Variants in DBNL observed in about 807,000 individuals in gnomAD.
DBNL encodes drebrin-like protein.
Under a neutral mutation model 62.2 loss-of-function variants are expected in DBNL, and 35 were observed. The observed-to-expected ratio is 0.56, with a 90% CI of 0.43 to 0.75. DBNL has a LOEUF of 0.75. Among genes scored for constraint, DBNL ranks in the 30% least tolerant of loss-of-function variants. The probability of loss-of-function intolerance (pLI) is 0.00; values close to 1 mark genes in which losing one functional copy is unlikely to be tolerated. For synonymous variants in DBNL, 197 were observed against 218.0 expected (o/e 0.90, Z 0.85); for missense variants, 495 against 578.4 (o/e 0.86, Z 1.48).
chr7:44,069,078 GAC>G lies in DBNL; in HGVS notation c.*8164_*8165del, dbSNP rs1562662889. 73 of 71,514 alleles carry G rather than the reference GAC, an allele frequency of 1.0e-3. No individual in the cohort carries two copies. Among genetic ancestry groups the G allele is most frequent in the African/African-American group, 2.8e-3 (54 of 19,064 alleles). 4.4% of individuals were successfully genotyped at this position (71,514 alleles called of 1,614,324 possible). ...TACTGGAATAAAAGAATGAAATAAA[GAC>G]ATTCTCAAATGAAGGCAAGCTGAGG... On this transcript the variant is annotated 3_prime_UTR_variant, in exon 13 of 13. Transcript: ENST00000448521.
In DBNL at chr7:44,060,282, G is replaced by A. The variant is rs2096146200; in HGVS notation, c.1153+129G>A. ...GAGAAGACAGGAGGGTGGGCGGTGCGTTTAGGGGTAGAAGCACCTCTGGAG... is the reference window on the plus strand; with the variant it reads ...GAGAAGACAGGAGGGTGGGCGGTGCATTTAGGGGTAGAAGCACCTCTGGAG... On this transcript the variant is annotated intron_variant, in intron 12 of 12. Coordinates refer to ENST00000448521, the MANE Select transcript of DBNL (RefSeq NM_001014436.3). The surrounding 1 kb of genome is among the most constrained non-coding windows in gnomAD (Gnocchi z 6.3). 1.3e-5 allele frequency: 11 copies of A among 817,448 alleles called. No homozygotes were observed. Among genetic ancestry groups the A allele is most frequent in the East Asian group, 2.7e-5 (1 of 36,972 alleles). The allele number at this position is 817,448 out of a possible 1,614,324, so 50.6% of individuals were successfully genotyped here.
chr7:44,064,797 A>ACCCAGCCCCAGCACCAGTATGTTGG lies in DBNL; in HGVS notation c.*3885_*3886insGCCCCAGCACCAGTATGTTGGCCCA. On this transcript the variant is annotated 3_prime_UTR_variant, in exon 13 of 13. Coordinates refer to ENST00000448521, the MANE Select transcript of DBNL (RefSeq NM_001014436.3). ...GAGAAGCCAGCTGGGGCTGCTGCCC[A>ACCCAGCCCCAGCACCAGTATGTTGG]CCCACCCTGCCCAGGCTCCTGAAGG... 1 of 633,308 alleles carries ACCCAGCCCCAGCACCAGTATGTTGG rather than the reference A, an allele frequency of 1.6e-6. No homozygotes were observed. The highest frequency in any genetic ancestry group is 2.8e-6 in the Non-Finnish European group (1 of 361,386). 39.2% of individuals were successfully genotyped at this position (633,308 alleles called of 1,614,324 possible).
chr7:44,065,942 C>A lies in DBNL; in HGVS notation c.*5026C>A. 3.1e-6 allele frequency: 1 copy of A among 322,582 alleles called. No individual in the cohort carries two copies. Among genetic ancestry groups the A allele is most frequent in the South Asian group, 3.0e-5 (1 of 33,654 alleles). The allele number at this position is 322,582 out of a possible 1,614,324, so 20.0% of individuals were successfully genotyped here. ...CAGCCATTCTCTGCTCAGACAGAGG[C>A]ACAAACAAAATCCCAACCCCTTTCT... is the stretch of plus-strand genomic sequence containing the variant. On this transcript the variant is annotated 3_prime_UTR_variant, in exon 13 of 13. Transcript: ENST00000448521.
rs1463114457 is a variant in DBNL at position 44,059,029 on chromosome 7, G to A, written c.835+46G>A. On this transcript the variant is annotated intron_variant, in intron 9 of 12. Coordinates refer to ENST00000448521, the MANE Select transcript of DBNL (RefSeq NM_001014436.3). This position sits in a 1 kb window ranked among gnomAD's most constrained non-coding sequence, Gnocchi z 4.1. Reference sequence around the variant, plus strand: ...TGGCCATGAGGCAGCAGCAGGCTGAGGGGGAGCCTGGGGTCCTATGTGGGC... The same window carrying A: ...TGGCCATGAGGCAGCAGCAGGCTGAAGGGGAGCCTGGGGTCCTATGTGGGC... 3 of 1,595,626 alleles carry A rather than the reference G, an allele frequency of 1.9e-6. No individual in the cohort carries two copies. Among genetic ancestry groups the A allele is most frequent in the African/African-American group, 1.3e-5 (1 of 74,518 alleles).
Position 44,065,560 on chromosome 7 carries a change from A to AC in DBNL, c.*4645dup, listed in dbSNP as rs554686318. The AC allele has an allele frequency of 1.3e-4, 204 of 1,607,856 alleles. No individual in the cohort carries two copies. The East Asian group carries it at 4.2e-3, about 33-fold the overall frequency. On this transcript the variant is annotated 3_prime_UTR_variant, in exon 13 of 13. Transcript: ENST00000448521. ...CAGCAGGGACCACAGAGGACTCTGG[A>AC]CGGGGACGGCTGCTTCCCAACACTC...
chr7:44,053,302 C>A (rs965262242), intron 4 of DBNL, among the ~76,000 whole-genome samples: 1 of 152,224 alleles, frequency 6.6e-6, no homozygotes, highest in African/African-American at 2.4e-5. Context: ...TGCCCACCAT[C>A]TTAGCACGCA....
In DBNL at chr7:44,057,314, C is replaced by T. The variant is rs1036181168; in HGVS notation, c.474+411C>T. On this transcript the variant is annotated intron_variant, in intron 5 of 12. Coordinates refer to ENST00000448521, the MANE Select transcript of DBNL (RefSeq NM_001014436.3). ...AGGCCCCTTGGAGTCACGGGAGATACCTGTGGGCCTGTGGCCCCAGTGCTG... is the reference window on the plus strand; with the variant it reads ...AGGCCCCTTGGAGTCACGGGAGATATCTGTGGGCCTGTGGCCCCAGTGCTG... 2.6e-5 allele frequency among the ~76,000 whole-genome samples: 4 copies of T among 152,340 alleles called. No homozygotes were observed. The South Asian group carries it at 8.3e-4, about 32-fold the overall frequency.
Position 44,058,413 on chromosome 7 carries a change from A to C in DBNL, c.705-19A>C. The C allele has an allele frequency of 6.2e-7, 1 of 1,614,144 alleles. No individual in the cohort carries two copies. The highest frequency in any genetic ancestry group is 8.5e-7 in the Non-Finnish European group (1 of 1,180,016). On this transcript the variant is annotated intron_variant, in intron 7 of 12. Transcript: ENST00000448521. ...TGTGACTGTGCCTCAGCTGTGCCCC[A>C]CCCGGCCCTTCCCAGCAGGACGTGG...
At position 44,059,899 on chromosome 7, in the gene DBNL, G is replaced by A; in HGVS notation, c.1048-149G>A. Reference sequence around the variant, plus strand: ...ACTGTCCTGTGGCTTCTGTACTCTGGTAGGGCGGGGACAGCAGCAGCCCAG... The same window carrying A: ...ACTGTCCTGTGGCTTCTGTACTCTGATAGGGCGGGGACAGCAGCAGCCCAG... On this transcript the variant is annotated intron_variant, in intron 11 of 12. Coordinates refer to ENST00000448521, the MANE Select transcript of DBNL (RefSeq NM_001014436.3). The surrounding 1 kb of genome is among the most constrained non-coding windows in gnomAD (Gnocchi z 4.1). 1.2e-6 allele frequency: 1 copy of A among 831,014 alleles called. No homozygotes were observed. The highest frequency in any genetic ancestry group is 1.7e-5 in the South Asian group (1 of 59,862). 51.5% of individuals were successfully genotyped at this position (831,014 alleles called of 1,614,324 possible). A position where few individuals can be genotyped will look rare whatever the true frequency, so the allele number is the denominator to read the frequency against.
At position 44,065,330 on chromosome 7, in the gene DBNL, A is replaced by G; in HGVS notation, c.*4414A>G. On this transcript the variant is annotated 3_prime_UTR_variant, in exon 13 of 13. Coordinates refer to ENST00000448521, the MANE Select transcript of DBNL (RefSeq NM_001014436.3). ...GTCCGTGCCGTCCAGGATGGCCCAG[A>G]GGGTGCGGATGGCCCGCTTCAGCAC... The G allele has an allele frequency of 6.2e-7, 1 of 1,613,764 alleles. No homozygotes were observed. The highest frequency in any genetic ancestry group is 8.5e-7 in the Non-Finnish European group (1 of 1,180,034).
chr7:44,053,219 C>T (rs990578779), intron 4 of DBNL, among the ~76,000 whole-genome samples: 1 of 152,044 alleles, frequency 6.6e-6, no homozygotes, highest in Non-Finnish European at 1.5e-5. Flanking sequence ...AAGGGTGGGC[C>T]CTGGTTCTGT....
Position 44,062,343 on chromosome 7 carries a change from G to A in DBNL, c.*1427G>A, listed in dbSNP as rs2096150800. ...GGCAGGGCTCAAAGTGCCACCCGGGGGTTGCAAGGACAGCAGAGGACCACC... is the reference window on the plus strand; with the variant it reads ...GGCAGGGCTCAAAGTGCCACCCGGGAGTTGCAAGGACAGCAGAGGACCACC... On this transcript the variant is annotated 3_prime_UTR_variant, in exon 13 of 13. Transcript: ENST00000448521. 4.3e-6 allele frequency: 1 copy of A among 231,782 alleles called. No homozygotes were observed. The highest frequency in any genetic ancestry group is 8.8e-6 in the Non-Finnish European group (1 of 114,238). The allele number at this position is 231,782 out of a possible 1,614,324, so 14.4% of individuals were successfully genotyped here. A position where few individuals can be genotyped will look rare whatever the true frequency, so the allele number is the denominator to read the frequency against.
chr7:44,048,516 A>G (rs1364312571), intron 1 of DBNL, among the ~76,000 whole-genome samples: 1 of 151,984 alleles, frequency 6.6e-6, no homozygotes, highest in African/African-American at 2.4e-5. Flanking sequence ...TCTCCTCCCT[A>G]CCAACCAGAT....
chr7:44,061,240 G>A lies in DBNL; in HGVS notation c.*324G>A, dbSNP rs755762903. 2.2e-5 allele frequency: 7 copies of A among 319,098 alleles called. No individual in the cohort carries two copies. The highest frequency in any genetic ancestry group is 4.1e-5 in the Non-Finnish European group (7 of 171,266). The allele number at this position is 319,098 out of a possible 1,614,324, so 19.8% of individuals were successfully genotyped here. ...GCTGCGGGGAAGGGTCCTGAGCAGG[G>A]GCATCTGGGAGGCTCTGGCTGCCTT... On this transcript the variant is annotated 3_prime_UTR_variant, in exon 13 of 13. Coordinates refer to ENST00000448521, the MANE Select transcript of DBNL (RefSeq NM_001014436.3).
intron 4 of DBNL, among the ~76,000 whole-genome samples, chr7:44,053,802 G>C (rs1042838100): frequency 6.6e-6 from 1 of 151,688 alleles, no homozygotes; most frequent in Non-Finnish European, 1.5e-5. Context: ...TCAGCCTCCC[G>C]ATTAGCTGGG....
chr7:44,069,286 G>A lies in DBNL; in HGVS notation c.*8370G>A, dbSNP rs1443802478. 1 of 152,204 alleles carries A rather than the reference G, an allele frequency of 6.6e-6. No homozygotes were observed. The highest frequency in any genetic ancestry group is 6.5e-5 in the Admixed American group (1 of 15,284). 9.4% of individuals were successfully genotyped at this position (152,204 alleles called of 1,614,324 possible). A position where few individuals can be genotyped will look rare whatever the true frequency, so the allele number is the denominator to read the frequency against. On this transcript the variant is annotated 3_prime_UTR_variant, in exon 13 of 13. Coordinates refer to ENST00000448521, the MANE Select transcript of DBNL (RefSeq NM_001014436.3). ...AAGAGTTATGTGATGGTTGAATTAAGTCATGATACTGTCTGATGGAGGCTT... is the reference window on the plus strand; with the variant it reads ...AAGAGTTATGTGATGGTTGAATTAAATCATGATACTGTCTGATGGAGGCTT...
In DBNL at chr7:44,064,951, G is replaced by A; in HGVS notation, c.*4035G>A. The A allele has an allele frequency of 6.2e-7, 1 of 1,609,140 alleles. No individual in the cohort carries two copies. On this transcript the variant is annotated 3_prime_UTR_variant, in exon 13 of 13. Transcript: ENST00000448521. ...CCAGAAGGGCAGGGCCCGGGCAATG[G>A]TGTCCTTGAGGCTCTCGCAGGTGGG...
chr7:44,049,674 CAA>C (rs1375785382), intron 1 of DBNL, among the ~76,000 whole-genome samples: 1 of 152,094 alleles, frequency 6.6e-6, no homozygotes, highest in Admixed American at 6.5e-5. Context: ...CTGTGTTTAC[CAA>C]AGAGTCTCAA....
At chr7:44,051,749 C>A in intron 2 of DBNL, 81 bp from the exon 3 acceptor site, 1 of 1,337,588 alleles carries the variant, frequency 7.5e-7, no homozygotes, top group Non-Finnish European at 1.1e-6. Flanking sequence ...TTAGAAGCAG[C>A]TCGGCCTCCC....
Sources: allele counts gnomAD v4.1 joint callset (sites outside exome capture counted in the v4.1 genomes callset), GRCh38; gene constraint gnomAD v4.1.1; non-coding constraint Gnocchi (gnomAD v3.1); transcripts MANE v1.5; gene names NCBI Gene and HGNC (gene_info 2026-07-23, HGNC 2026-07-21).